KCNAB1: variants seen among roughly 807,000 people sequenced by gnomAD.
The protein encoded by KCNAB1 is potassium voltage-gated channel subfamily A regulatory beta subunit 1.
Under a neutral mutation model 64.6 loss-of-function variants are expected in KCNAB1, and 35 were observed. The observed-to-expected ratio is 0.54, with a 90% confidence interval of 0.41 to 0.72. The LOEUF is 0.72. Among genes scored for constraint, KCNAB1 ranks in the 30% least tolerant of loss-of-function variants. The pLI is 0.00. For missense variants in KCNAB1, 401 were observed against 512.9 expected, an observed-to-expected ratio of 0.78 and a Z score of 2.11; for synonymous variants, 177 against 183.8, an observed-to-expected ratio of 0.96 and a Z score of 0.30.
intron 1 of KCNAB1, among the ~76,000 whole-genome samples, chr3:156,170,497 A>C (rs1321560099): frequency 6.6e-6 from 1 of 152,150 alleles, no homozygotes; most frequent in African/African-American, 2.4e-5. Flanking sequence ...GTGCTCCAGA[A>C]AGGGCAAATA....
intron 1 of KCNAB1, among the ~76,000 whole-genome samples, chr3:156,313,257 C>A (rs1471563179): frequency 6.6e-6 from 1 of 152,078 alleles, no homozygotes; most frequent in Non-Finnish European, 1.5e-5. Context: ...GAAAAAAAAT[C>A]CAAGTGTTCT....
upstream of KCNAB1, among the ~76,000 whole-genome samples, chr3:156,120,037 C>G (rs1181786418): frequency 6.6e-6 from 1 of 152,082 alleles, no homozygotes; most frequent in Non-Finnish European, 1.5e-5. Context: ...GCCTGACATA[C>G]GTTATGTGGT....
At position 156,350,457 on chromosome 3, in the gene KCNAB1, A is replaced by C. The variant is rs1724780843; in HGVS notation, c.276-71159A>C. 1.3e-5 allele frequency among the ~76,000 whole-genome samples: 2 copies of C among 151,548 alleles called. 1 individual carries two copies. Among genetic ancestry groups the C allele is most frequent in the Admixed American group, 1.3e-4 (2 of 15,160 alleles). ...CATTACTTGAGAGGCTAATGTGGGA[A>C]GTTTGCACCACTGCACTGTAGCCCC... On this transcript the variant is annotated intron_variant, in intron 1 of 13. Transcript: ENST00000490337.
chr3:156,276,130 AAAC>A lies in KCNAB1; in HGVS notation c.276-145481_276-145479del, dbSNP rs543221271. 1.3e-3 allele frequency among the ~76,000 whole-genome samples: 195 copies of A among 152,344 alleles called. No individual in the cohort carries two copies. In the South Asian group the frequency reaches 0.016, roughly 12 times the overall value. Reference sequence around the variant, plus strand: ...ATGGATGTTGTATTAGCAGGCATGAAAACAACATTAATCCCCTTGTACATTTCT... The same window carrying A: ...ATGGATGTTGTATTAGCAGGCATGAAAACATTAATCCCCTTGTACATTTCT... On this transcript the variant is annotated intron_variant, in intron 1 of 13. Transcript: ENST00000490337.
At chr3:156,335,493 T>C (rs1723627623) in intron 1 of KCNAB1, among the ~76,000 whole-genome samples, 2 of 152,246 alleles carry the variant, frequency 1.3e-5, no homozygotes, top group African/African-American at 4.8e-5. Context: ...TTCCTTGCCA[T>C]TGAGGACTAT....
intron 1 of KCNAB1, among the ~76,000 whole-genome samples, chr3:156,220,875 T>C (rs1343292937): frequency 6.6e-6 from 1 of 152,244 alleles, no homozygotes; most frequent in Non-Finnish European, 1.5e-5. Flanking sequence ...CTTTAATCTG[T>C]CTTGACTTAA....
At chr3:156,238,157 C>G (rs765671547) in intron 1 of KCNAB1, among the ~76,000 whole-genome samples, 14 of 152,158 alleles carry the variant, frequency 9.2e-5, no homozygotes, top group African/African-American at 3.4e-4. Context: ...GGCGTGGTGG[C>G]TCACGCCTGT....
chr3:156,136,189 C>T (rs1714335629), intron 1 of KCNAB1, among the ~76,000 whole-genome samples: 1 of 152,240 alleles, frequency 6.6e-6, no homozygotes, highest in Non-Finnish European at 1.5e-5. Flanking sequence ...AACCCTTAGA[C>T]ACTGACAGCA....
At chr3:156,438,372 G>C (rs1199938388) in intron 2 of KCNAB1, among the ~76,000 whole-genome samples, 3 of 152,170 alleles carry the variant, frequency 2.0e-5, no homozygotes, top group Non-Finnish European at 2.9e-5. Context: ...TTCATCCCAA[G>C]TTAAAATTCA....
At chr3:156,287,798 TAA>T (rs74496136) in intron 1 of KCNAB1, among the ~76,000 whole-genome samples, 3 of 138,320 alleles carry the variant, frequency 2.2e-5, no homozygotes, top group Non-Finnish European at 1.6e-5. Flanking sequence ...GACTCCATCT[TAA>T]AAAAAAAAAA....
In KCNAB1 at chr3:156,203,659, T is replaced by C. The variant is rs555671090; in HGVS notation, c.275+82773T>C. Reference sequence around the variant, plus strand: ...TTATGTTTCTCTTGGGAGAGTTTTTTGATACTGCCGTCAAATCATGTTTGT... The same window carrying C: ...TTATGTTTCTCTTGGGAGAGTTTTTCGATACTGCCGTCAAATCATGTTTGT... On this transcript the variant is annotated intron_variant, in intron 1 of 13. Coordinates refer to ENST00000490337, the MANE Select transcript of KCNAB1 (RefSeq NM_172160.3). Among the ~76,000 whole-genome samples the C allele has an allele frequency of 1.2e-4, 19 of 152,364 alleles. No homozygotes were observed. In the South Asian group the frequency reaches 3.7e-3, roughly 30 times the overall value.
At chr3:156,171,698 C>T (rs574678771) in intron 1 of KCNAB1, among the ~76,000 whole-genome samples, 10 of 152,290 alleles carry the variant, frequency 6.6e-5, no homozygotes, top group Non-Finnish European at 1.3e-4. Flanking sequence ...ATTTCAAGGG[C>T]TCTTCATTTC....
chr3:156,505,477 T>C (rs1028892864), intron 8 of KCNAB1, among the ~76,000 whole-genome samples: 1 of 152,204 alleles, frequency 6.6e-6, no homozygotes, highest in South Asian at 2.1e-4. Flanking sequence ...ATTGAATGTA[T>C]AGATTGCCTT....
intron 1 of KCNAB1, among the ~76,000 whole-genome samples, chr3:156,258,143 C>G (rs1423027214): frequency 1.3e-5 from 2 of 152,134 alleles, no homozygotes; most frequent in Non-Finnish European, 1.5e-5. Flanking sequence ...AGTCACATGA[C>G]CAACCCTGAG....
At chr3:156,514,770 C>G (rs1717444278) in intron 9 of KCNAB1, among the ~76,000 whole-genome samples, 1 of 152,140 alleles carries the variant, frequency 6.6e-6, no homozygotes, top group Non-Finnish European at 1.5e-5. Context: ...ATTACAGATA[C>G]TTTTATATGT....
intron 1 of KCNAB1, among the ~76,000 whole-genome samples, chr3:156,210,436 T>C (rs1023852209): frequency 1.3e-5 from 2 of 152,220 alleles, no homozygotes; most frequent in African/African-American, 4.8e-5. Flanking sequence ...TGTTTATGCT[T>C]TCTGGAGGTC....
chr3:156,485,579 A>T (rs2720285), intron 8 of KCNAB1, among the ~76,000 whole-genome samples: 45,043 of 151,250 alleles, frequency 0.3, 7,206 homozygotes, highest in South Asian at 0.41. Flanking sequence ...AATTGTCATG[A>T]CTGTTAAATT....
intron 1 of KCNAB1, among the ~76,000 whole-genome samples, chr3:156,257,428 A>G (rs1718158496): frequency 6.6e-6 from 1 of 152,174 alleles, no homozygotes; most frequent in South Asian, 2.1e-4. Context: ...ATAAAAAGGA[A>G]CTGGAGAACC....
At chr3:156,343,996 C>T (rs552658433) in intron 1 of KCNAB1, among the ~76,000 whole-genome samples, 5 of 152,244 alleles carry the variant, frequency 3.3e-5, no homozygotes, top group Non-Finnish European at 4.4e-5. Context: ...GCTAAAACCA[C>T]GTCTTGATTA....
Sources: allele counts gnomAD v4.1 joint callset (sites outside exome capture counted in the v4.1 genomes callset), GRCh38; gene constraint gnomAD v4.1.1; transcripts MANE v1.5; gene names NCBI Gene and HGNC (gene_info 2026-07-23, HGNC 2026-07-21).